Variants in ERICH3 observed in about 807,000 individuals in gnomAD.
ERICH3 encodes glutamate-rich protein 3.
ERICH3 carries 126 observed loss-of-function variants against 131.1 expected under a neutral mutation model. The observed-to-expected ratio is 0.96, with a 90% CI of 0.83 to 1.11. The LOEUF is 1.11. ERICH3 is among the 50% of genes most tolerant of loss of function. ERICH3 has a pLI of 0.00. For synonymous variants in ERICH3, 695 were observed against 644.6 expected (o/e 1.08, Z -1.18); for missense variants, 2,050 against 1,810.7 (o/e 1.13, Z -2.40).
At chr1:74,663,036 T>A (rs1646657541) in intron 1 of ERICH3, among the ~76,000 whole-genome samples, 1 of 152,120 alleles carries the variant, frequency 6.6e-6, no homozygotes, top group Non-Finnish European at 1.5e-5. Context: ...TTTCCCCTTC[T>A]TCAACATTCT....
At chr1:74,605,306 G>A (rs1017779786) in intron 10 of ERICH3, among the ~76,000 whole-genome samples, 35 of 151,762 alleles carry the variant, frequency 2.3e-4, no homozygotes, top group African/African-American at 5.6e-4. Flanking sequence ...ATCTTCTATT[G>A]AGACCGCTAA....
chr1:74,659,206 A>G (rs1490620169), intron 1 of ERICH3, among the ~76,000 whole-genome samples: 1 of 152,148 alleles, frequency 6.6e-6, no homozygotes, highest in Non-Finnish European at 1.5e-5. Flanking sequence ...TGCTCCAGGA[A>G]GAGGGATTAC....
At chr1:74,584,014 C>T (rs1323646893) in intron 12 of ERICH3, among the ~76,000 whole-genome samples, 1 of 152,050 alleles carries the variant, frequency 6.6e-6, no homozygotes, top group East Asian at 1.9e-4. Flanking sequence ...AAAGATATGC[C>T]CAACTTATTC....
At chr1:74,646,616 G>A (rs1409821734) in intron 3 of ERICH3, 51 bp downstream of exon 3, 3 of 1,025,358 alleles carry the variant, frequency 2.9e-6, no homozygotes, top group South Asian at 4.6e-5. Context: ...CTTCAGTGAT[G>A]TGGAAGTAGA....
At chr1:74,662,796 A>G (rs1646655360) in intron 1 of ERICH3, among the ~76,000 whole-genome samples, 1 of 152,164 alleles carries the variant, frequency 6.6e-6, no homozygotes. Context: ...AAGTCACAAT[A>G]GACTACTGCA....
chr1:74,659,217 C>A (rs1453498346), intron 1 of ERICH3, among the ~76,000 whole-genome samples: 1 of 152,090 alleles, frequency 6.6e-6, no homozygotes. Context: ...GAGGGATTAC[C>A]ACATGCAAAG....
At chr1:74,656,421 A>G (rs1018275867) in intron 1 of ERICH3, among the ~76,000 whole-genome samples, 3 of 152,034 alleles carry the variant, frequency 2.0e-5, no homozygotes, top group Non-Finnish European at 2.9e-5. Context: ...TTTTGAAACA[A>G]CTCCATCACA....
Position 74,569,039 on chromosome 1 carries a change from T to C in ERICH3, c.*1419A>G, listed in dbSNP as rs1646905329. On this transcript the variant is annotated 3_prime_UTR_variant, in exon 15 of 15. Coordinates refer to ENST00000326665, the MANE Select transcript of ERICH3 (RefSeq NM_001002912.5). ...TATTTTTGATCATTGAATGGCTCCA[T>C]TACACATTAAAATGGAAAATACCTA... 6.6e-6 allele frequency: 1 copy of C among 152,198 alleles called. No individual in the cohort carries two copies. Among genetic ancestry groups the C allele is most frequent in the African/African-American group, 2.4e-5 (1 of 41,450 alleles). 9.4% of individuals were successfully genotyped at this position (152,198 alleles called of 1,614,324 possible).
chr1:74,590,500 A>G (rs1029313822), intron 11 of ERICH3, among the ~76,000 whole-genome samples: 7 of 152,236 alleles, frequency 4.6e-5, no homozygotes, highest in Admixed American at 6.5e-5. Flanking sequence ...CAGGCATTAG[A>G]TTCTCATAAG....
chr1:74,605,163 C>T (rs868509777), intron 10 of ERICH3, among the ~76,000 whole-genome samples: 9 of 151,956 alleles, frequency 5.9e-5, no homozygotes, highest in Non-Finnish European at 7.4e-5. Context: ...TTAACCCTCA[C>T]GAACCAACCT....
intron 1 of ERICH3, among the ~76,000 whole-genome samples, chr1:74,668,319 C>T (rs1432952063): frequency 2.6e-5 from 4 of 152,140 alleles, no homozygotes; most frequent in Non-Finnish European, 5.9e-5. Context: ...ACACATCTCT[C>T]TTCATCTGGT....
intron 1 of ERICH3, among the ~76,000 whole-genome samples, chr1:74,650,025 T>C (rs1351993758): frequency 6.6e-6 from 1 of 152,164 alleles, no homozygotes; most frequent in African/African-American, 2.4e-5. Context: ...ATCATTATTC[T>C]TGGTATCCCT....
intron 10 of ERICH3, among the ~76,000 whole-genome samples, chr1:74,606,132 G>A (rs1648381571): frequency 6.6e-6 from 1 of 151,684 alleles, no homozygotes; most frequent in South Asian, 2.1e-4. Flanking sequence ...AAGAAAAAAA[G>A]CAGACAGATA....
intron 1 of ERICH3, among the ~76,000 whole-genome samples, chr1:74,668,134 G>A (rs751779864): frequency 4.8e-4 from 73 of 152,126 alleles, no homozygotes; most frequent in Non-Finnish European, 9.1e-4. Context: ...GTGTCAGGAA[G>A]TATCTTTATA....
At chr1:74,616,898 T>C (rs971776483) in intron 8 of ERICH3, among the ~76,000 whole-genome samples, 3 of 152,072 alleles carry the variant, frequency 2.0e-5, no homozygotes, top group Non-Finnish European at 4.4e-5. Context: ...TCTTGGGGCT[T>C]TTCAGGGAGT....
chr1:74,611,410 A>C (rs1241955079), intron 9 of ERICH3, among the ~76,000 whole-genome samples: 1 of 152,060 alleles, frequency 6.6e-6, no homozygotes, highest in Non-Finnish European at 1.5e-5. Flanking sequence ...TTCCACCATT[A>C]TCTCTTCTCT....
At chr1:74,621,968 A>G (rs1649240446) in intron 7 of ERICH3, 2 of 152,222 alleles carry the variant, frequency 1.3e-5, no homozygotes, top group African/African-American at 4.8e-5. Context: ...AGCTAGACAA[A>G]AAATGTGCAG....
intron 13 of ERICH3, among the ~76,000 whole-genome samples, chr1:74,576,253 C>A (rs1239911392): frequency 6.6e-6 from 1 of 152,152 alleles, no homozygotes; most frequent in South Asian, 2.1e-4. Flanking sequence ...CTTGTGCACA[C>A]CTTTCATTGC....
At chr1:74,663,913 A>G (rs1646665393) in intron 1 of ERICH3, among the ~76,000 whole-genome samples, 1 of 152,098 alleles carries the variant, frequency 6.6e-6, no homozygotes, top group African/African-American at 2.4e-5. Context: ...TCAGAGACAT[A>G]TGGTAGGAAT....
Sources: allele counts gnomAD v4.1 joint callset (sites outside exome capture counted in the v4.1 genomes callset), GRCh38; gene constraint gnomAD v4.1.1; transcripts MANE v1.5; gene names NCBI Gene and HGNC (gene_info 2026-07-23, HGNC 2026-07-21).